The following CLUH variants were observed in gnomAD, a reference collection of about 807,000 sequenced individuals.
CLUH encodes the protein CLUH binding protein of NUMT mRNA, also known as clustered mitochondria protein homolog.
Under a neutral mutation model 139.3 loss-of-function variants are expected in CLUH, and 77 were observed. The ratio of observed to expected loss-of-function variants is 0.55; its 90% CI spans 0.46 to 0.67. CLUH has a LOEUF of 0.67. Among genes scored for constraint, CLUH ranks in the 30% least tolerant of loss-of-function variants. The pLI is 0.00. For missense variants in CLUH, 1,876 were observed against 1,875.8 expected (o/e 1.00, Z 0.00); for synonymous variants, 999 against 801.6 (o/e 1.25, Z -4.16).
Position 2,694,038 on chromosome 17 carries a change from G to C in CLUH, c.3093C>G (p.Gly1031=), listed in dbSNP as rs1395158641. 1 of 1,613,714 alleles carries C rather than the reference G, an allele frequency of 6.2e-7. No individual in the cohort carries two copies. The highest frequency in any genetic ancestry group is 1.3e-5 in the African/African-American group (1 of 74,910). ...TGAGCTCACAGCCCTCCTTCAGGAAGCCTGCAGGGCACCCCCAGGGGTGGC... is the reference window on the plus strand; with the variant it reads ...TGAGCTCACAGCCCTCCTTCAGGAACCCTGCAGGGCACCCCCAGGGGTGGC... ...FQSGQAKVQQ[G]FLKEGCELIN... Residue 1031 remains glycine (G), a splice_region_variant and synonymous_variant, in exon 19 of 26, where the codon GGC becomes GGG. Transcript: ENST00000651024.
chr17:2,696,686 G>A (rs1046690050), intron 11 of CLUH, 33 bp downstream of exon 11: 5 of 1,606,378 alleles, frequency 3.1e-6, no homozygotes, highest in East Asian at 2.2e-5. Context: ...GGGCCAGCCC[G>A]GGCTCTCTCC....
chr17:2,703,301 C>G lies in CLUH; in HGVS notation c.475+17G>C, dbSNP rs973867111. 14 of 1,601,576 alleles carry G rather than the reference C, an allele frequency of 8.7e-6. No homozygotes were observed. Among genetic ancestry groups the G allele is most frequent in the African/African-American group, 5.4e-5 (4 of 74,594 alleles). On this transcript the variant is annotated intron_variant, in intron 3 of 25. Coordinates refer to ENST00000651024, the MANE Select transcript of CLUH (RefSeq NM_001366661.1). The surrounding 1 kb of genome is among the most constrained non-coding windows in gnomAD (Gnocchi z 4.2). ...GTGGGCCCTCCCCCGGGCAGGCTGTCCAACTTCCAGACCAACCTTCCACCA... is the reference window on the plus strand; with the variant it reads ...GTGGGCCCTCCCCCGGGCAGGCTGTGCAACTTCCAGACCAACCTTCCACCA...
chr17:2,699,534 C>T (rs1336012364), intron 9 of CLUH, among the ~76,000 whole-genome samples: 5 of 151,980 alleles, frequency 3.3e-5, no homozygotes, highest in Admixed American at 6.6e-5. Flanking sequence ...CACCATGTTT[C>T]GTAGGCTGGT....
At position 2,711,655 on chromosome 17, in the gene CLUH, T is replaced by C; in HGVS notation, c.7A>G (p.Ile3Val). The change falls in exon 1 of 26, where the codon ATC becomes GTC. Residue 3 changes from isoleucine to valine, a missense_variant. Ile to Val is a conservative substitution (Grantham distance 29, BLOSUM62 3). Transcript: ENST00000651024. Reference sequence around the variant, plus strand: ...GCCGCCGGCAACTCGTCCGTCTTGATAACCATGGTGGCGGGAGCGGGCGTC... The same window carrying C: ...GCCGCCGGCAACTCGTCCGTCTTGACAACCATGGTGGCGGGAGCGGGCGTC... MV[I>V]KTDELPAAAP... 1.0e-6 allele frequency: 1 copy of C among 984,420 alleles called. No homozygotes were observed. Among genetic ancestry groups the C allele is most frequent in the Non-Finnish European group, 1.2e-6 (1 of 829,380 alleles). The allele number at this position is 984,420 out of a possible 1,614,324, so 61.0% of individuals were successfully genotyped here.
intron 3 of CLUH, among the ~76,000 whole-genome samples, chr17:2,702,263 G>A (rs1433038808): frequency 6.6e-6 from 1 of 152,216 alleles, no homozygotes; most frequent in East Asian, 1.9e-4. Context: ...TCTGCCTACT[G>A]GTGAGCAGGG....
rs1215598228 is a variant in CLUH, at chr17:2,706,580, A to G, written c.101-2016T>C. The stretch of plus-strand genomic sequence containing the variant: ...ACAAAGACCTCCCTTCCAGGATCCA[A>G]CCGCCCCAGGAAGGGCACCCCCAAT... On this transcript the variant is annotated intron_variant, in intron 1 of 25. Transcript: ENST00000651024. The surrounding 1 kb of genome is among the most constrained non-coding windows in gnomAD (Gnocchi z 4.6). Among the ~76,000 whole-genome samples, 1 of 152,120 alleles carries G rather than the reference A, an allele frequency of 6.6e-6. No homozygotes were observed. Among genetic ancestry groups the G allele is most frequent in the South Asian group, 2.1e-4 (1 of 4,834 alleles).
Position 2,701,175 on chromosome 17 carries a change from G to C in CLUH, c.990C>G (p.Thr330=). 2.5e-6 allele frequency: 4 copies of C among 1,614,016 alleles called. No homozygotes were observed. Among genetic ancestry groups the C allele is most frequent in the Non-Finnish European group, 3.4e-6 (4 of 1,179,902 alleles). ...GCAGCACAGCGAAGTTCTTCTTGAA[G>C]GTCGGGCTGATCTGGTTGAGCAGCT... ...LVELLNQISP[T]FKKNFAVLQK... Residue 330 remains threonine, a synonymous_variant, in exon 7 of 26, where the codon ACC becomes ACG. Coordinates refer to ENST00000651024, the MANE Select transcript of CLUH (RefSeq NM_001366661.1).
chr17:2,704,704 G>A lies in CLUH; in HGVS notation c.101-140C>T, dbSNP rs965991150. 6 of 792,770 alleles carry A rather than the reference G, an allele frequency of 7.6e-6. No individual in the cohort carries two copies. Among genetic ancestry groups the A allele is most frequent in the Middle Eastern group, 3.7e-4 (1 of 2,668 alleles). The allele number at this position is 792,770 out of a possible 1,614,324, so 49.1% of individuals were successfully genotyped here. On this transcript the variant is annotated intron_variant, in intron 1 of 25. Coordinates refer to ENST00000651024, the MANE Select transcript of CLUH (RefSeq NM_001366661.1). The surrounding 1 kb of genome is among the most constrained non-coding windows in gnomAD (Gnocchi z 5.7). ...AGTCCCAGCCTCACGGTCGCGCCTC[G>A]CCCTCCGTGCACCTGCAGGCCACTT...
At position 2,691,997 on chromosome 17, in the gene CLUH, C is replaced by CCCCGCCCCGCCCCCGCT. The variant is rs772082865; in HGVS notation, c.3654+6_3654+7insAGCGGGGGCGGGGCGGG. On this transcript the variant is annotated splice_region_variant and intron_variant, in intron 23 of 25. Transcript: ENST00000651024. The stretch of plus-strand genomic sequence containing the variant: ...GCCCCCGCCCCCGCCACGCCCCCGC[C>CCCCGCCCCGCCCCCGCT]GCGCACCTGCGTCTTGTAGATGGTG... 1 of 1,234,906 alleles carries CCCCGCCCCGCCCCCGCT rather than the reference C, an allele frequency of 8.1e-7. No individual in the cohort carries two copies. Among genetic ancestry groups the CCCCGCCCCGCCCCCGCT allele is most frequent in the Non-Finnish European group, 1.1e-6 (1 of 928,330 alleles). The allele number at this position is 1,234,906 out of a possible 1,614,324, so 76.5% of individuals were successfully genotyped here.
chr17:2,696,170 T>A lies in CLUH; in HGVS notation c.2380A>T (p.Ile794Phe). 6.4e-7 allele frequency: 1 copy of A among 1,561,096 alleles called. No homozygotes were observed. Among genetic ancestry groups the A allele is most frequent in the Non-Finnish European group, 8.7e-7 (1 of 1,152,786 alleles). The change falls in exon 13 of 26, where the codon ATC (isoleucine) becomes TTC (phenylalanine). Residue 794 changes from isoleucine to phenylalanine, a missense_variant. This residue lies in a region of CLUH where 1,454 missense variants were observed against 1,384.4 expected (regional missense o/e 1.05). Transcript: ENST00000651024. ...AGCCCCTCCCTCACCAAGCCAGGGATCTGGCAGGAGAGCAGGAAGGCAGCC... is the reference window on the plus strand; with the variant it reads ...AGCCCCTCCCTCACCAAGCCAGGGAACTGGCAGGAGAGCAGGAAGGCAGCC... ...DAAAFLLSCQ[I>F]PGLVKDCMEH... is the part of the protein sequence containing the mutation.
In CLUH at chr17:2,690,670, G is replaced by A. The variant is rs775616460; in HGVS notation, c.3971C>T (p.Ala1324Val). The A allele has an allele frequency of 1.3e-6, 2 of 1,553,344 alleles. No individual in the cohort carries two copies. The highest frequency in any genetic ancestry group is 1.7e-6 in the Non-Finnish European group (2 of 1,156,742). ...RAEEPMATEP[A>V]PAGAPGDLGS... ...CAGGTCTCCTGGGGCCCCCGCTGGC[G>A]CGGGCTCGGTAGCCATGGGCTCCTC... Residue 1324 changes from alanine to valine, a missense_variant, in exon 26 of 26, where the codon GCG becomes GTG. Transcript: ENST00000651024.
At position 2,698,116 on chromosome 17, in the gene CLUH, C is replaced by A; in HGVS notation, c.1741G>T (p.Val581Leu). 6.3e-7 allele frequency: 1 copy of A among 1,598,330 alleles called. No homozygotes were observed. Among genetic ancestry groups the A allele is most frequent in the Non-Finnish European group, 8.5e-7 (1 of 1,173,938 alleles). The change falls in exon 10 of 26, where the codon GTG becomes TTG. Residue 581 changes from valine (V) to leucine (L), a missense_variant. Transcript: ENST00000651024. ...CACTCGACCGAGGAGCAGAGCTCCA[C>A]CTCCTCGTCACGGTCGTTGAGCACC... ...HQVLNDRDEE[V>L]ELCSSVECKG...
intron 17 of CLUH, 100 bp downstream of exon 17, chr17:2,694,380 G>C: frequency 6.6e-7 from 1 of 1,521,526 alleles, no homozygotes; most frequent in Non-Finnish European, 8.9e-7. Flanking sequence ...CCGTGAAAAA[G>C]CCACTTCCCC....
chr17:2,691,734 G>T (rs755237676), intron 24 of CLUH, 27 bp downstream of exon 24: 2 of 1,600,612 alleles, frequency 1.2e-6, no homozygotes, highest in Non-Finnish European at 1.7e-6. Flanking sequence ...TCGCCGGGCC[G>T]GAGGGGCCGC....
chr17:2,690,551 C>G lies in CLUH; in HGVS notation c.*43G>C, dbSNP rs2069580546. Reference sequence around the variant, plus strand: ...CCCCCTTCTCCCGCAGTCGGGCTCCCTGGTGACGGGGCCGCTGGCTGGCTG... The same window carrying G: ...CCCCCTTCTCCCGCAGTCGGGCTCCGTGGTGACGGGGCCGCTGGCTGGCTG... On this transcript the variant is annotated 3_prime_UTR_variant, in exon 26 of 26. Coordinates refer to ENST00000651024, the MANE Select transcript of CLUH (RefSeq NM_001366661.1). 7.1e-7 allele frequency: 1 copy of G among 1,408,796 alleles called. No individual in the cohort carries two copies. Among genetic ancestry groups the G allele is most frequent in the East Asian group, 2.8e-5 (1 of 35,826 alleles). The allele number at this position is 1,408,796 out of a possible 1,614,324, so 87.3% of individuals were successfully genotyped here.
At position 2,691,752 on chromosome 17, in the gene CLUH, C is replaced by G; in HGVS notation, c.3789+9G>C. ...CCGGGCCGGAGGGGCCGCTCCGCCC[C>G]GGACTCACCTTGAGGGGCGGGATGT... On this transcript the variant is annotated intron_variant, in intron 24 of 25. Coordinates refer to ENST00000651024, the MANE Select transcript of CLUH (RefSeq NM_001366661.1). 2 of 1,596,940 alleles carry G rather than the reference C, an allele frequency of 1.3e-6. No homozygotes were observed. The highest frequency in any genetic ancestry group is 1.7e-6 in the Non-Finnish European group (2 of 1,172,354).
chr17:2,694,844 G>GCC lies in CLUH; in HGVS notation c.2852+11_2852+12dup. 3.5e-6 allele frequency: 5 copies of GCC among 1,445,308 alleles called. No homozygotes were observed. Among genetic ancestry groups the GCC allele is most frequent in the Non-Finnish European group, 4.6e-6 (5 of 1,079,820 alleles). 89.5% of individuals were successfully genotyped at this position (1,445,308 alleles called of 1,614,324 possible). A position where few individuals can be genotyped will look rare whatever the true frequency, so the allele number is the denominator to read the frequency against. ...CAATCCCACCCACCCCACCGCCCCTGCCCCGCACGCACCACTCGAGGTCGA... is the reference window on the plus strand; with the variant it reads ...CAATCCCACCCACCCCACCGCCCCTGCCCCCCGCACGCACCACTCGAGGTCGA... On this transcript the variant is annotated intron_variant, in intron 16 of 25. Coordinates refer to ENST00000651024, the MANE Select transcript of CLUH (RefSeq NM_001366661.1).
intron 16 of CLUH, 31 bp downstream of exon 16, chr17:2,694,826 A>AGCCCCCCC: frequency 2.5e-6 from 2 of 796,138 alleles, no homozygotes; most frequent in Non-Finnish European, 3.6e-6. Context: ...GCCCAATCCC[A>AGCCCCCCC]CCCACCCCAC....
chr17:2,691,939 G>GGCCCCGCCCCCGCCCCGCCCCCC, intron 23 of CLUH, 44 bp from the exon 24 acceptor site: 2 of 1,061,460 alleles, frequency 1.9e-6, no homozygotes, highest in South Asian at 2.7e-5. Context: ...GTGCCCCCGC[G>GGCCCCGCCCCCGCCCCGCCCCCC]GCCCCGCCCC....
Sources: gnomAD v4.1 joint callset for allele counts (sites outside exome capture counted in the v4.1 genomes callset) on GRCh38, gnomAD v4.1.1 for gene constraint, gnomAD v4.1.1 regional missense constraint, Gnocchi (gnomAD v3.1) non-coding constraint, MANE v1.5 for transcripts, NCBI Gene and HGNC (gene_info 2026-07-23, HGNC 2026-07-21) for gene names.